Variants in CYRIB observed in about 807,000 individuals in gnomAD.
CYRIB encodes CYFIP related Rac1 interactor B, also known as CYFIP-related Rac1 interactor B.
CYRIB carries 8 observed loss-of-function variants against 44.2 expected under a neutral mutation model. That is an observed-to-expected ratio of 0.18 (90% confidence interval 0.11 to 0.33). The LOEUF is 0.33. Among genes scored for constraint, CYRIB ranks in the 10% least tolerant of loss-of-function variants. The pLI is 1.00. For synonymous variants in CYRIB, 131 were observed against 127.2 expected, an observed-to-expected ratio of 1.03 and a Z score of -0.20; for missense variants, 185 against 382.8, an observed-to-expected ratio of 0.48 and a Z score of 4.31.
intron 1 of CYRIB, among the ~76,000 whole-genome samples, chr8:129,981,361 G>A (rs142980583): frequency 6.9e-4 from 105 of 152,302 alleles, no homozygotes; most frequent in African/African-American, 2.3e-3. Context: ...ATGTCGGCCA[G>A]GCTGGTATTG....
At chr8:129,952,584 G>C (rs1457199607) in intron 2 of CYRIB, among the ~76,000 whole-genome samples, 1 of 152,024 alleles carries the variant, frequency 6.6e-6, no homozygotes, top group African/African-American at 2.4e-5. Flanking sequence ...TTAACGTTTT[G>C]AACCATTTTG....
chr8:129,933,322 A>G lies in CYRIB; in HGVS notation c.-50+6286T>C, dbSNP rs559611469. ...TAGGAATGGGGCTGAGGTCTCCCTG[A>G]TCCCCAAGATGGACTGAAGGCCAGA... is the stretch of plus-strand genomic sequence containing the variant. On this transcript the variant is annotated intron_variant, in intron 1 of 11. Transcript: ENST00000519824. Among the ~76,000 whole-genome samples the G allele has an allele frequency of 2.6e-4, 39 of 152,242 alleles. 1 individual carries two copies. The South Asian group carries it at 8.1e-3, about 32-fold the overall frequency.
intron 1 of CYRIB, among the ~76,000 whole-genome samples, chr8:130,001,654 G>A (rs6988365): frequency 0.015 from 2,201 of 149,256 alleles, 49 homozygotes; most frequent in African/African-American, 0.046. Flanking sequence ...TCAGCCTCAC[G>A]AGTGGCTGGG....
intron 2 of CYRIB, among the ~76,000 whole-genome samples, chr8:129,895,918 A>T (rs2067828193): frequency 6.6e-6 from 1 of 152,216 alleles, no homozygotes; most frequent in South Asian, 2.1e-4. Flanking sequence ...TGGTTTTGCT[A>T]ACATTTCACC....
At chr8:129,933,744 C>T (rs138451732) in intron 1 of CYRIB, among the ~76,000 whole-genome samples, 7,878 of 151,962 alleles carry the variant, frequency 0.052, 668 homozygotes, top group African/African-American at 0.17. Context: ...CATGGTGGCA[C>T]GCATCTGTAG....
chr8:129,923,287 TGTTTGAGATAGA>T (rs1166531392), intron 1 of CYRIB, among the ~76,000 whole-genome samples: 2 of 151,820 alleles, frequency 1.3e-5, no homozygotes, highest in African/African-American at 4.8e-5. Flanking sequence ...TATGTATGTA[TGTTTGAGATAGA>T]GTTTCGCTCT....
chr8:129,912,284 T>C (rs1005293790), intron 1 of CYRIB: 1 of 152,132 alleles, frequency 6.6e-6, no homozygotes, highest in African/African-American at 2.4e-5. Flanking sequence ...GCTAAATATA[T>C]ATATATATGC....
At chr8:130,007,235 C>G (rs1470199772) in intron 1 of CYRIB, among the ~76,000 whole-genome samples, 1 of 152,170 alleles carries the variant, frequency 6.6e-6, no homozygotes, top group Admixed American at 6.5e-5. Flanking sequence ...ACCGCCCTCT[C>G]CCAGCAGGGT....
chr8:129,947,067 T>TATTTA (rs35828113), intron 2 of CYRIB, among the ~76,000 whole-genome samples: 5 of 151,658 alleles, frequency 3.3e-5, no homozygotes, highest in African/African-American at 9.7e-5. Flanking sequence ...TTTATTTATT[T>TATTTA]TTTTTTTTGA....
chr8:129,992,505 C>G (rs1050310244), intron 1 of CYRIB, among the ~76,000 whole-genome samples: 1 of 152,124 alleles, frequency 6.6e-6, no homozygotes, highest in Non-Finnish European at 1.5e-5. Context: ...TTTCGCTGCT[C>G]TTTAACGAAC....
chr8:129,959,081 AAAAC>A (rs2095077480), intron 2 of CYRIB, among the ~76,000 whole-genome samples: 1 of 150,884 alleles, frequency 6.6e-6, no homozygotes, highest in Admixed American at 6.6e-5. Context: ...AAAAAAAAAA[AAAAC>A]AAAGGCAGGC....
At chr8:129,942,687 A>C (rs1312463654), upstream of CYRIB, among the ~76,000 whole-genome samples, 2 of 152,246 alleles carry the variant, frequency 1.3e-5, no homozygotes, top group Admixed American at 6.5e-5. Context: ...TAGTCTCTTA[A>C]TGATGATTTA....
At chr8:129,869,428 T>G (rs1316914771) in intron 4 of CYRIB, among the ~76,000 whole-genome samples, 10 of 151,774 alleles carry the variant, frequency 6.6e-5, no homozygotes, top group Non-Finnish European at 1.3e-4. Flanking sequence ...GAATAGTGTT[T>G]GTCTCTATAG....
chr8:129,898,063 C>T (rs57428409), intron 2 of CYRIB, among the ~76,000 whole-genome samples: 4,752 of 147,632 alleles, frequency 0.032, 255 homozygotes, highest in African/African-American at 0.11. Flanking sequence ...TGTGCCTGGC[C>T]CCAATCTAAA....
intron 1 of CYRIB, among the ~76,000 whole-genome samples, chr8:129,999,135 G>A (rs982199860): frequency 3.3e-5 from 5 of 152,092 alleles, no homozygotes; most frequent in Non-Finnish European, 1.5e-5. Context: ...ACGTGGGGGG[G>A]GTGGGACGCA....
exon 12 of CYRIB, chr8:129,841,485 C>G (rs1047989912): frequency 2.0e-5 from 3 of 152,538 alleles, no homozygotes; most frequent in African/African-American, 7.2e-5. Flanking sequence ...AAAATGAAAG[C>G]TGATTTTTAT....
At chr8:129,939,195 G>A (rs1400575332) in intron 1 of CYRIB, among the ~76,000 whole-genome samples, 1 of 151,542 alleles carries the variant, frequency 6.6e-6, no homozygotes, top group African/African-American at 2.4e-5. Flanking sequence ...AGGGGATGAG[G>A]AGAAAAAGCG....
chr8:129,987,734 G>C (rs2096515747), intron 1 of CYRIB, among the ~76,000 whole-genome samples: 2 of 151,916 alleles, frequency 1.3e-5, no homozygotes, highest in Admixed American at 1.3e-4. Flanking sequence ...ACCTCGCCCA[G>C]TTAATTTTTG....
chr8:129,884,470 T>G (rs2061971481), intron 2 of CYRIB, among the ~76,000 whole-genome samples: 2 of 152,036 alleles, frequency 1.3e-5, no homozygotes, highest in African/African-American at 4.8e-5. Flanking sequence ...GTATTTTTAG[T>G]AGAGACAGGG....
Sources: gnomAD v4.1 joint callset for allele counts (sites outside exome capture counted in the v4.1 genomes callset) on GRCh38, gnomAD v4.1.1 for gene constraint, MANE v1.5 for transcripts, NCBI Gene and HGNC (gene_info 2026-07-23, HGNC 2026-07-21) for gene names.